Variants in ENOSF1 observed in about 807,000 individuals in gnomAD.
ENOSF1 encodes the protein enolase superfamily member 1.
Under a neutral mutation model 68.2 loss-of-function variants are expected in ENOSF1, and 73 were observed. The observed-to-expected ratio is 1.07, with a 90% CI of 0.89 to 1.30. The LOEUF (loss-of-function observed/expected upper bound fraction) is 1.30. Among genes scored for constraint, ENOSF1 ranks in the 50% most tolerant of loss-of-function variants. The pLI is 0.00. For missense variants in ENOSF1, 589 were observed against 554.5 expected, an observed-to-expected ratio of 1.06 and a Z score of -0.62; for synonymous variants, 223 against 210.4, an observed-to-expected ratio of 1.06 and a Z score of -0.52.
At chr18:699,975 G>C (rs1319248891) in intron 2 of ENOSF1, among the ~76,000 whole-genome samples, 5 of 152,192 alleles carry the variant, frequency 3.3e-5, no homozygotes, top group African/African-American at 1.2e-4. Context: ...AGCTACTTGG[G>C]AAGCGGAGGG....
At chr18:689,043 C>T (rs2076900954) in intron 8 of ENOSF1, among the ~76,000 whole-genome samples, 1 of 152,138 alleles carries the variant, frequency 6.6e-6, no homozygotes, top group Non-Finnish European at 1.5e-5. Flanking sequence ...GCCATGGTGC[C>T]TTGAGCATGA....
chr18:696,500 C>T (rs926982291), intron 3 of ENOSF1, among the ~76,000 whole-genome samples: 5 of 151,996 alleles, frequency 3.3e-5, no homozygotes, highest in African/African-American at 4.8e-5. Context: ...AGTGAGCCAC[C>T]GCGCCCGGCC....
Position 683,290 on chromosome 18 carries a change from GCTC to G in ENOSF1, c.829_831del (p.Glu277del), listed in dbSNP as rs1568039009. 6.2e-7 allele frequency: 1 copy of G among 1,614,040 alleles called. No homozygotes were observed. Among genetic ancestry groups the G allele is most frequent in the Admixed American group, 1.7e-5 (1 of 60,002 alleles). On this transcript the variant is annotated inframe_deletion, in exon 11 of 16. Transcript: ENST00000647584. ...CCCAGAATGTCATCAGGGGAGGTTG[GCTC>G]CTCAATCCACAATGGCTTGAACTTG...
rs111735573 is a variant in ENOSF1 at position 683,001 on chromosome 18, C to A, written c.876+245G>T. ...CTATTAACCTTCAAATTGCTGGTAGCCCTTCAACTTTTAGCAGCTTACTTT... is the reference window on the plus strand; with the variant it reads ...CTATTAACCTTCAAATTGCTGGTAGACCTTCAACTTTTAGCAGCTTACTTT... On this transcript the variant is annotated intron_variant, in intron 11 of 15. Transcript: ENST00000647584. The A allele has an allele frequency of 1.8e-3, 830 of 464,612 alleles. 9 individuals are homozygous for A. The highest frequency in any genetic ancestry group is 0.015 in the African/African-American group (751 of 50,690). The allele number at this position is 464,612 out of a possible 1,614,324, so 28.8% of individuals were successfully genotyped here.
intron 5 of ENOSF1, chr18:693,542 T>C: frequency 1.0e-6 from 1 of 985,372 alleles, no homozygotes. Context: ...TTCTCATTGA[T>C]CTTTAATTTT....
intron 2 of ENOSF1, among the ~76,000 whole-genome samples, chr18:698,555 A>G (rs531195362): frequency 6.6e-6 from 1 of 152,348 alleles, no homozygotes; most frequent in South Asian, 2.1e-4. Flanking sequence ...TACATTTTTC[A>G]TAAGTAATTT....
rs1034529516 is a variant in ENOSF1, at chr18:670,840, C to T, written c.*3465G>A. 2 of 1,613,944 alleles carry T rather than the reference C, an allele frequency of 1.2e-6. No homozygotes were observed. Among genetic ancestry groups the T allele is most frequent in the African/African-American group, 1.3e-5 (1 of 74,880 alleles). The stretch of plus-strand genomic sequence containing the variant: ...TCGCCAGCTACGCCCTGCTCACGTA[C>T]ATGATTGCGCACATCACGGGCCTGA... On this transcript the variant is annotated 3_prime_UTR_variant, in exon 16 of 16. Coordinates refer to ENST00000647584, the MANE Select transcript of ENOSF1 (RefSeq NM_017512.7).
rs1850490714 is a variant in ENOSF1 at position 680,674 on chromosome 18, GTGTT to G, written c.877-1941_877-1938del. 3.5e-5 allele frequency among the ~76,000 whole-genome samples: 4 copies of G among 115,074 alleles called. No homozygotes were observed. The South Asian group carries it at 9.0e-4, about 26-fold the overall frequency. 75.5% of individuals were successfully genotyped at this position (115,074 alleles called of 152,430 possible). A position where few individuals can be genotyped will look rare whatever the true frequency, so the allele number is the denominator to read the frequency against. On this transcript the variant is annotated intron_variant, in intron 11 of 15. Transcript: ENST00000647584. ...GTGCTTCAGCTGTCACTATGCTGTT[GTGTT>G]TTTTTTTTTTTTTTTTTTTTGAGAT... is the stretch of plus-strand genomic sequence containing the variant.
rs2612102 is a variant in ENOSF1 at position 706,589 on chromosome 18, A to G, written c.85-11T>C. ...GTCAGGGTCCGTGTGCTGCAGGAGA[A>G]GAGTTCCCCGCCGAAACAATGCCAG... On this transcript the variant is annotated splice_polypyrimidine_tract_variant and intron_variant, in intron 1 of 15. Coordinates refer to ENST00000647584, the MANE Select transcript of ENOSF1 (RefSeq NM_017512.7). 0.57 allele frequency: 915,492 copies of G among 1,601,544 alleles called. 264,649 individuals carry two copies. Among genetic ancestry groups the G allele is most frequent in the African/African-American group, 0.78 (58,170 of 74,598 alleles).
intron 11 of ENOSF1, among the ~76,000 whole-genome samples, chr18:681,269 G>C (rs1232101300): frequency 1.3e-5 from 2 of 152,210 alleles, no homozygotes; most frequent in Non-Finnish European, 2.9e-5. Context: ...CCTGTCCCTG[G>C]CATGTGCCCT....
downstream of ENOSF1, chr18:669,203 A>T (rs2074929148): frequency 1.9e-6 from 3 of 1,584,798 alleles, no homozygotes; most frequent in Non-Finnish European, 2.6e-6. Flanking sequence ...CTTCATTTAT[A>T]CTAACCATAC....
Position 670,513 on chromosome 18 carries a change from C to A in ENOSF1, c.*3792G>T. 1 of 618,944 alleles carries A rather than the reference C, an allele frequency of 1.6e-6. No homozygotes were observed. Among genetic ancestry groups the A allele is most frequent in the Non-Finnish European group, 2.8e-6 (1 of 356,570 alleles). 38.3% of individuals were successfully genotyped at this position (618,944 alleles called of 1,614,324 possible). ...CAGAAACCTTGCACCGATGGATAGT[C>A]TCCCTCAGCTCCGTGCCATCGCTGC... On this transcript the variant is annotated 3_prime_UTR_variant, in exon 16 of 16. Coordinates refer to ENST00000647584, the MANE Select transcript of ENOSF1 (RefSeq NM_017512.7).
the ENOSF1 span, among the ~76,000 whole-genome samples, chr18:663,005 T>C: frequency 6.9e-6 from 1 of 143,972 alleles, no homozygotes; most frequent in Non-Finnish European, 1.5e-5. Flanking sequence ...AGCAGCATGA[T>C]TTAATAGTCC....
chr18:709,697 G>A (rs1384324282), intron 1 of ENOSF1, among the ~76,000 whole-genome samples: 1 of 152,020 alleles, frequency 6.6e-6, no homozygotes, highest in Non-Finnish European at 1.5e-5. Flanking sequence ...TTTGCATATG[G>A]GAGGCAGAGG....
intron 10 of ENOSF1, among the ~76,000 whole-genome samples, chr18:684,390 T>A (rs2076420609): frequency 6.6e-6 from 1 of 151,848 alleles, no homozygotes; most frequent in South Asian, 2.1e-4. Flanking sequence ...TAGCTGGGTG[T>A]GGTGGCTCTC....
chr18:705,346 G>A (rs1317788440), intron 2 of ENOSF1, among the ~76,000 whole-genome samples: 1 of 152,028 alleles, frequency 6.6e-6, no homozygotes, highest in Non-Finnish European at 1.5e-5. Flanking sequence ...CTTGAATTTT[G>A]TACCATGTGT....
At chr18:667,298 T>A (rs376883868), downstream of ENOSF1, among the ~76,000 whole-genome samples, 4 of 29,146 alleles carry the variant, frequency 1.4e-4, no homozygotes, top group Admixed American at 6.0e-4. Context: ...ATGGAGATGG[T>A]GATGGTGATG....
chr18:670,011 T>TA (rs2074960512), downstream of ENOSF1, among the ~76,000 whole-genome samples: 1 of 150,668 alleles, frequency 6.6e-6, no homozygotes, highest in African/African-American at 2.5e-5. Context: ...CATAAGTACT[T>TA]AGAGTGAAAT....
At chr18:688,531 T>C (rs765099887) in intron 9 of ENOSF1, 43 bp downstream of exon 9, 24 of 1,613,552 alleles carry the variant, frequency 1.5e-5, no homozygotes, top group Non-Finnish European at 2.0e-5. Flanking sequence ...CCTGAGTCTC[T>C]CCTGCCGCCA....
Sources: gnomAD v4.1 joint callset for allele counts (sites outside exome capture counted in the v4.1 genomes callset) on GRCh38, gnomAD v4.1.1 for gene constraint, MANE v1.5 for transcripts, NCBI Gene and HGNC (gene_info 2026-07-23, HGNC 2026-07-21) for gene names.